The following ACP2 variants were observed in gnomAD, a reference collection of about 807,000 sequenced individuals.
ACP2 encodes acid phosphatase 2, lysosomal, also known as lysosomal acid phosphatase.
Under a neutral mutation model 54.7 loss-of-function variants are expected in ACP2, and 35 were observed. That is an observed-to-expected ratio of 0.64 (90% CI 0.49 to 0.85). The LOEUF (loss-of-function observed/expected upper bound fraction) is 0.85. Ranked by LOEUF, ACP2 falls within the 40% of genes least tolerant of loss-of-function variation. The pLI is 0.00. For missense variants in ACP2, 492 were observed against 565.0 expected (o/e 0.87, Z 1.31); for synonymous variants, 210 against 224.4 (o/e 0.94, Z 0.57).
In ACP2 at chr11:47,248,664, A is replaced by C. The variant is rs914310058; in HGVS notation, c.114+12T>G. On this transcript the variant is annotated intron_variant, in intron 1 of 10. Transcript: ENST00000672073. ...CTTCAGGGAAGTCTTTGGTGAGCCC[A>C]TCTCTCATTACCAAGGTAACGAAGC... 2.5e-6 allele frequency: 4 copies of C among 1,606,214 alleles called. No individual in the cohort carries two copies. Among genetic ancestry groups the C allele is most frequent in the Admixed American group, 1.7e-5 (1 of 58,804 alleles).
Position 47,245,670 on chromosome 11 carries a change from G to A in ACP2, c.450+12C>T. The A allele has an allele frequency of 2.5e-6, 4 of 1,613,182 alleles. No homozygotes were observed. The highest frequency in any genetic ancestry group is 3.4e-6 in the Non-Finnish European group (4 of 1,179,234). On this transcript the variant is annotated intron_variant, in intron 4 of 10. Coordinates refer to ENST00000672073, the MANE Select transcript of ACP2 (RefSeq NM_001610.4). ...CCCCTCACCACCCCAGGGAAGGGCT[G>A]GCCACTCTTACCCTGTCCTCAGTGA...
At position 47,240,263 on chromosome 11, in the gene ACP2, A is replaced by G; in HGVS notation, c.1139-14T>C. On this transcript the variant is annotated splice_polypyrimidine_tract_variant and intron_variant, in intron 10 of 10. Coordinates refer to ENST00000672073, the MANE Select transcript of ACP2 (RefSeq NM_001610.4). ...CCACAATCACCTCTGGGCATGGGGG[A>G]GGCAAGAGAAAGGTCATGTCAGCGT... 1.5e-6 allele frequency: 2 copies of G among 1,314,446 alleles called. No homozygotes were observed. Among genetic ancestry groups the G allele is most frequent in the Non-Finnish European group, 2.2e-6 (2 of 907,102 alleles). 81.4% of individuals were successfully genotyped at this position (1,314,446 alleles called of 1,614,324 possible).
chr11:47,247,367 A>G lies in ACP2; in HGVS notation c.297+274T>C, dbSNP rs1417572475. On this transcript the variant is annotated intron_variant, in intron 3 of 10. Coordinates refer to ENST00000672073, the MANE Select transcript of ACP2 (RefSeq NM_001610.4). ...ATAGGTACTCAATGTCTTGGATGGA[A>G]AGCCTGTGATTTCACAGTCAGAAAC... The G allele has an allele frequency of 1.3e-5, 7 of 538,950 alleles. No individual in the cohort carries two copies. The East Asian group carries it at 2.3e-4, about 18-fold the overall frequency. The allele number at this position is 538,950 out of a possible 1,614,324, so 33.4% of individuals were successfully genotyped here.
At chr11:47,243,382 T>C (rs1953946594) in intron 7 of ACP2, 61 bp from the exon 8 acceptor site, 2 of 1,437,880 alleles carry the variant, frequency 1.4e-6, no homozygotes, top group African/African-American at 2.8e-5. Context: ...TAATTAGACC[T>C]ATCTGTGCTC....
rs753530705 is a variant in ACP2 at position 47,248,780 on chromosome 11, T to A, written c.10A>T (p.Lys4Ter). 2 of 1,595,968 alleles carry A rather than the reference T, an allele frequency of 1.3e-6. No homozygotes were observed. The highest frequency in any genetic ancestry group is 2.3e-5 in the South Asian group (2 of 88,166). ...GCCGCCCGGCTCCAGCCGGACCGCT[T>A]GCCCGCCATCACCGTTGTAATCTAT... MAG[K>*]RSGWSRAALL... is the part of the protein sequence containing the mutation. Residue 4 changes from lysine to a stop codon, truncating the protein, a stop_gained, in exon 1 of 11, where the codon AAG becomes TAG. Coordinates refer to ENST00000672073, the MANE Select transcript of ACP2 (RefSeq NM_001610.4). LOFTEE classifies it high-confidence loss of function.
intron 1 of ACP2, 199 bp downstream of exon 1, chr11:47,248,477 A>T: frequency 6.5e-7 from 1 of 1,548,942 alleles, no homozygotes; most frequent in Middle Eastern, 1.7e-4. Flanking sequence ...GTCTCAAGGC[A>T]GACTCACCCC....
chr11:47,242,007 C>T (rs1430887217), intron 10 of ACP2, among the ~76,000 whole-genome samples: 4 of 152,108 alleles, frequency 2.6e-5, no homozygotes. Context: ...TGGGAGTGTG[C>T]ACAGATGGGG....
rs1363424171 is a variant in ACP2 at position 47,245,792 on chromosome 11, C to T, written c.340G>A (p.Ala114Thr). ...AAGAGTCCAGCCAGGTTGGCCTCAG[C>T]ACTCATGAGAGTCCGGTCAAAGTCT... The part of the protein sequence containing the change: ...STDFDRTLMS[A>T]EANLAGLFPP... The change falls in exon 4 of 11, where the codon GCT (alanine) becomes ACT (threonine). Residue 114 changes from alanine to threonine, a missense_variant. Coordinates refer to ENST00000672073, the MANE Select transcript of ACP2 (RefSeq NM_001610.4). 6.2e-7 allele frequency: 1 copy of T among 1,600,470 alleles called. No individual in the cohort carries two copies. Among genetic ancestry groups the T allele is most frequent in the East Asian group, 2.2e-5 (1 of 44,796 alleles).
intron 9 of ACP2, 48 bp from the exon 10 acceptor site, chr11:47,242,946 ATGGGGTCCT>A (rs1565161816): frequency 1.2e-6 from 2 of 1,609,900 alleles, no homozygotes; most frequent in Non-Finnish European, 1.7e-6. Context: ...CCTGCCCATC[ATGGGGTCCT>A]TGGGCTGCCC....
chr11:47,245,773 C>T lies in ACP2; in HGVS notation c.359G>A (p.Gly120Glu). The change falls in exon 4 of 11, where the codon GGA (glycine) becomes GAA (glutamate). Residue 120 changes from glycine (G) to glutamate (E), a missense_variant. Coordinates refer to ENST00000672073, the MANE Select transcript of ACP2 (RefSeq NM_001610.4). ...TLMSAEANLAGLFPPNGMQRF... is the reference protein window; with the variant it reads ...TLMSAEANLAELFPPNGMQRF... ...CTGCATCCCGTTGGGAGGGAAGAGT[C>T]CAGCCAGGTTGGCCTCAGCACTCAT... 2 of 1,612,306 alleles carry T rather than the reference C, an allele frequency of 1.2e-6. No homozygotes were observed. Among genetic ancestry groups the T allele is most frequent in the Non-Finnish European group, 1.7e-6 (2 of 1,179,012 alleles).
In ACP2 at chr11:47,244,770, A is replaced by C. The variant is rs1463609422; in HGVS notation, c.737T>G (p.Ile246Ser). 2 of 1,612,526 alleles carry C rather than the reference A, an allele frequency of 1.2e-6. No homozygotes were observed. Among genetic ancestry groups the C allele is most frequent in the Non-Finnish European group, 1.7e-6 (2 of 1,178,896 alleles). The change falls in exon 7 of 11, where the codon ATC becomes AGC. Residue 246 changes from isoleucine to serine, a missense_variant. By Grantham distance (142) the Ile-to-Ser change is moderately radical. Coordinates refer to ENST00000672073, the MANE Select transcript of ACP2 (RefSeq NM_001610.4). ...CCGGGCCTTCTCCGCCTGCTGGTAG[A>C]TTCCGAAGAGGAAGCGGAAGCTGAA... Reference protein sequence around the residue: ...KDFSFRFLFGIYQQAEKARLQ... With the variant: ...KDFSFRFLFGSYQQAEKARLQ...
At chr11:47,242,043 C>T (rs899419826) in intron 10 of ACP2, among the ~76,000 whole-genome samples, 2 of 152,168 alleles carry the variant, frequency 1.3e-5, no homozygotes, top group African/African-American at 4.8e-5. Context: ...AGTCCTGGGT[C>T]ATCCGTTCTT....
chr11:47,240,213 A>T lies in ACP2; in HGVS notation c.1175T>A (p.Leu392His). ...GAGGAGCAGCACTATGAGGAGGAAG[A>T]GGATGGAGCCACATACAGCCAAGGC... ...IVALAVCGSI[L>H]FLLIVLLLTV... The change falls in exon 11 of 11, where the codon CTC becomes CAC. Residue 392 changes from leucine (L) to histidine (H), a missense_variant. By Grantham distance (99) the Leu-to-His change is moderately conservative. Coordinates refer to ENST00000672073, the MANE Select transcript of ACP2 (RefSeq NM_001610.4). 6.2e-7 allele frequency: 1 copy of T among 1,607,490 alleles called. No homozygotes were observed. Among genetic ancestry groups the T allele is most frequent in the Non-Finnish European group, 8.5e-7 (1 of 1,173,884 alleles).
rs747593925 is a variant in ACP2, at chr11:47,243,109, C to T, written c.871G>A (p.Val291Ile). The part of the protein sequence containing the change: ...LVYSAHDTTL[V>I]ALQMALDVYN... ...ACATCCAGTGCCATTTGCAGGGCAA[C>T]CAGGGTAGTGTCGTGCTGCGGGGGA... The change falls in exon 9 of 11, where the codon GTT (valine) becomes ATT (isoleucine). Residue 291 changes from valine to isoleucine, a missense_variant. Transcript: ENST00000672073. 3.1e-6 allele frequency: 5 copies of T among 1,614,196 alleles called. 1 individual carries two copies. The South Asian group carries it at 4.4e-5, about 14-fold the overall frequency.
intron 7 of ACP2, among the ~76,000 whole-genome samples, chr11:47,244,533 A>AT (rs1308285241): frequency 6.6e-6 from 1 of 152,158 alleles, no homozygotes; most frequent in Non-Finnish European, 1.5e-5. Flanking sequence ...AAAAATAACA[A>AT]TTTTTTTAAA....
chr11:47,245,878 G>T (rs1954056282), intron 3 of ACP2, 44 bp from the exon 4 acceptor site: 1 of 1,525,380 alleles, frequency 6.6e-7, no homozygotes, highest in Non-Finnish European at 8.8e-7. Context: ...GTGTGTGTGT[G>T]TGTGTGTTGG....
Position 47,245,806 on chromosome 11 carries a change from C to A in ACP2, c.326G>T (p.Arg109Leu). The change falls in exon 4 of 11, where the codon CGG (arginine) becomes CTG (leucine). Residue 109 changes from arginine to leucine, a missense_variant. By Grantham distance (102) the Arg-to-Leu change is moderately radical. Transcript: ENST00000672073. ...GTTGGCCTCAGCACTCATGAGAGTCCGGTCAAAGTCTGTGCTTCGCACATA... is the reference window on the plus strand; with the variant it reads ...GTTGGCCTCAGCACTCATGAGAGTCAGGTCAAAGTCTGTGCTTCGCACATA... ...EVYVRSTDFD[R>L]TLMSAEANLA... is the part of the protein sequence containing the mutation. 6 of 1,590,418 alleles carry A rather than the reference C, an allele frequency of 3.8e-6. No homozygotes were observed. Among genetic ancestry groups the A allele is most frequent in the Non-Finnish European group, 5.1e-6 (6 of 1,167,682 alleles).
intron 10 of ACP2, among the ~76,000 whole-genome samples, chr11:47,242,210 A>C (rs1353311641): frequency 6.6e-6 from 1 of 152,228 alleles, no homozygotes; most frequent in African/African-American, 2.4e-5. Flanking sequence ...GCTTCAGGGT[A>C]GTGGAAGGTG....
At chr11:47,248,329 G>C in intron 1 of ACP2, 196 bp from the exon 2 acceptor site, 1 of 1,096,430 alleles carries the variant, frequency 9.1e-7, no homozygotes. Context: ...AATGCTACTG[G>C]AGACCATAGG....
Sources: gnomAD v4.1 joint callset for allele counts (sites outside exome capture counted in the v4.1 genomes callset) on GRCh38, gnomAD v4.1.1 for gene constraint, MANE v1.5 for transcripts, NCBI Gene and HGNC (gene_info 2026-07-23, HGNC 2026-07-21) for gene names.